Variants in CFHR3 observed in about 807,000 individuals in gnomAD.
The protein encoded by CFHR3 is complement factor H-related protein 3.
A neutral mutation model predicts 36.0 loss-of-function variants in CFHR3; 22 were observed. That is an observed-to-expected ratio of 0.61 (90% CI 0.44 to 0.87). CFHR3 has a LOEUF of 0.87. CFHR3 is among the 40% of genes least tolerant of loss of function. The pLI, the probability that CFHR3 is intolerant of heterozygous loss-of-function variation, is 0.00. For missense variants in CFHR3, 276 were observed against 401.3 expected, an observed-to-expected ratio of 0.69 and a Z score of 2.67; for synonymous variants, 97 against 137.4, an observed-to-expected ratio of 0.71 and a Z score of 2.06.
At chr1:196,779,456 G>T in intron 2 of CFHR3, 100 bp downstream of exon 2, 1 of 1,012,218 alleles carries the variant, frequency 9.9e-7, no homozygotes, top group East Asian at 2.4e-5. Context: ...AACAGAAATA[G>T]GGCCAAGAAA....
rs1340264624 is a variant in CFHR3, at chr1:196,781,977, G to T, written c.430+2004G>T. Among the ~76,000 whole-genome samples, 5 of 137,078 alleles carry T rather than the reference G, an allele frequency of 3.6e-5. 2 individuals carry two copies. Among genetic ancestry groups the T allele is most frequent in the African/African-American group, 1.5e-4 (5 of 32,794 alleles). 89.9% of individuals were successfully genotyped at this position (137,078 alleles called of 152,430 possible). On this transcript the variant is annotated intron_variant, in intron 3 of 5. Transcript: ENST00000367425. ...TTTAATCCATCTTGAATTAATTTTT[G>T]TATAAGGTGTAAGGAAGGGATCCAG...
In CFHR3 at chr1:196,794,787, G is replaced by T. The variant is rs1462924198; in HGVS notation, c.*1274G>T. 3.8e-6 allele frequency: 1 copy of T among 263,592 alleles called. No individual in the cohort carries two copies. The highest frequency in any genetic ancestry group is 1.0e-4 in the East Asian group (1 of 9,656). The allele number at this position is 263,592 out of a possible 1,614,324, so 16.3% of individuals were successfully genotyped here. ...GTTAGCATATGGTTAGTGAGAAGTT[G>T]CAGGGTAAGAAGAAAACAATGTTCC... On this transcript the variant is annotated 3_prime_UTR_variant, in exon 6 of 6. Coordinates refer to ENST00000367425, the MANE Select transcript of CFHR3 (RefSeq NM_021023.6).
Position 196,788,981 on chromosome 1 carries a change from T to C in CFHR3, c.613+583T>C, listed in dbSNP as rs1654317595. 8.3e-6 allele frequency: 11 copies of C among 1,319,126 alleles called. 1 individual carries two copies. The highest frequency in any genetic ancestry group is 3.7e-5 in the African/African-American group (2 of 54,086). 81.7% of individuals were successfully genotyped at this position (1,319,126 alleles called of 1,614,324 possible). The stretch of plus-strand genomic sequence containing the variant: ...GGCTGAATGTTTACAAACCTCATAC[T>C]TGCCAATGGATTCTTTACATGTAAA... On this transcript the variant is annotated intron_variant, in intron 4 of 5. Coordinates refer to ENST00000367425, the MANE Select transcript of CFHR3 (RefSeq NM_021023.6).
At chr1:196,775,707 T>C (rs1653690100) in intron 1 of CFHR3, among the ~76,000 whole-genome samples, 1 of 137,082 alleles carries the variant, frequency 7.3e-6, no homozygotes, top group African/African-American at 3.0e-5. Flanking sequence ...AAGAACTATA[T>C]GGTAACATTA....
rs1486368459 is a variant in CFHR3, at chr1:196,794,112, T to A, written c.*599T>A. Reference sequence around the variant, plus strand: ...AGGTTTTGCTAACCCTTTCAGAGCATTGGGAACACAGCCAGAAGTGCATTA... The same window carrying A: ...AGGTTTTGCTAACCCTTTCAGAGCAATGGGAACACAGCCAGAAGTGCATTA... On this transcript the variant is annotated 3_prime_UTR_variant, in exon 6 of 6. Transcript: ENST00000367425. 7.0e-6 allele frequency: 1 copy of A among 142,476 alleles called. No homozygotes were observed. The highest frequency in any genetic ancestry group is 6.7e-5 in the Admixed American group (1 of 14,940). 8.8% of individuals were successfully genotyped at this position (142,476 alleles called of 1,614,324 possible).
In CFHR3 at chr1:196,795,074, C is replaced by T. The variant is rs391507; in HGVS notation, c.*1561C>T. The stretch of plus-strand genomic sequence containing the variant: ...TGACTAATTCTACTTCATCAACATA[C>T]ATCATAAATAAAATTTCAAAAATAA... On this transcript the variant is annotated 3_prime_UTR_variant, in exon 6 of 6. Transcript: ENST00000367425. 37,246 of 134,892 alleles carry T rather than the reference C, an allele frequency of 0.28. 10,539 individuals are homozygous for T. The highest frequency in any genetic ancestry group is 0.5 in the East Asian group (2,520 of 5,034). The allele number at this position is 134,892 out of a possible 1,614,324, so 8.4% of individuals were successfully genotyped here.
rs775899529 is a variant in CFHR3, at chr1:196,779,233, C to G, written c.130C>G (p.Pro44Ala). ...FHENMRRPYF[P>A]VAVGKYYSYY... ...TGAGAATATGCGTAGACCATACTTT[C>G]CAGTAGCTGTAGGAAAATATTACTC... Residue 44 changes from proline to alanine, a missense_variant, in exon 2 of 6, where the codon CCA becomes GCA. Around this residue, in one of 3 missense-constraint regions of CFHR3, gnomAD observed 178 missense variants for 247.2 expected, o/e 0.72. Transcript: ENST00000367425. The G allele has an allele frequency of 2.6e-6, 4 of 1,528,544 alleles. 1 individual carries two copies. The allele number at this position is 1,528,544 out of a possible 1,614,324, so 94.7% of individuals were successfully genotyped here.
At chr1:196,784,527 T>C (rs1654106376) in intron 3 of CFHR3, among the ~76,000 whole-genome samples, 1 of 136,632 alleles carries the variant, frequency 7.3e-6, no homozygotes, top group Non-Finnish European at 1.5e-5. Flanking sequence ...TTAGCTCTTC[T>C]TGTTGAATTG....
At chr1:196,777,338 CAA>C (rs1457346360) in intron 1 of CFHR3, among the ~76,000 whole-genome samples, 1 of 137,086 alleles carries the variant, frequency 7.3e-6, no homozygotes, top group African/African-American at 3.0e-5. Context: ...GTTGCCATAA[CAA>C]AGTGTCAAGG....
intron 4 of CFHR3, chr1:196,788,859 G>A (rs1462113031): frequency 6.9e-7 from 1 of 1,445,100 alleles, no homozygotes; most frequent in South Asian, 1.4e-5. Flanking sequence ...TTAATAATTT[G>A]TATCAATGAT....
rs1311502605 is a variant in CFHR3 at position 196,784,480 on chromosome 1, G to A, written c.431-3736G>A. ...ACTCCAGACTTGCTTTATGAATCTG[G>A]GTGCTCCTGTATTGGGTGCATATAT... is the stretch of plus-strand genomic sequence containing the variant. On this transcript the variant is annotated intron_variant, in intron 3 of 5. Coordinates refer to ENST00000367425, the MANE Select transcript of CFHR3 (RefSeq NM_021023.6). 7.4e-5 allele frequency among the ~76,000 whole-genome samples: 10 copies of A among 135,332 alleles called. 3 individuals are homozygous for A. In the East Asian group the frequency reaches 9.8e-4, roughly 13 times the overall value. The allele number at this position is 135,332 out of a possible 152,430, so 88.8% of individuals were successfully genotyped here.
intron 3 of CFHR3, among the ~76,000 whole-genome samples, chr1:196,781,552 G>A (rs1653948508): frequency 1.5e-5 from 2 of 136,506 alleles, no homozygotes; most frequent in African/African-American, 3.1e-5. Flanking sequence ...CTGATGGCCA[G>A]TGATGGTGAG....
In CFHR3 at chr1:196,786,786, G is replaced by T. The variant is rs1027026192; in HGVS notation, c.431-1430G>T. Among the ~76,000 whole-genome samples, 33 of 137,184 alleles carry T rather than the reference G, an allele frequency of 2.4e-4. 9 individuals carry two copies. The highest frequency in any genetic ancestry group is 1.0e-3 in the African/African-American group (33 of 32,908). 90.0% of individuals were successfully genotyped at this position (137,184 alleles called of 152,430 possible). On this transcript the variant is annotated intron_variant, in intron 3 of 5. Coordinates refer to ENST00000367425, the MANE Select transcript of CFHR3 (RefSeq NM_021023.6). ...TGAGGCAATGCCTTCCCCTGCTTTG[G>T]CTCACGCACGGTGCGCTGCACCCAT...
Position 196,783,563 on chromosome 1 carries a change from TC to T in CFHR3, c.430+3591del, listed in dbSNP as rs1355887524. ...GTATGTGTCAAGGAATTTATCCATTTCTTCTAGATTTTCTAGTTTATTTGCG... is the reference window on the plus strand; with the variant it reads ...GTATGTGTCAAGGAATTTATCCATTTTTCTAGATTTTCTAGTTTATTTGCG... On this transcript the variant is annotated intron_variant, in intron 3 of 5. Transcript: ENST00000367425. 2.4e-3 allele frequency among the ~76,000 whole-genome samples: 313 copies of T among 131,838 alleles called. 85 individuals carry two copies. Among genetic ancestry groups the T allele is most frequent in the African/African-American group, 0.01 (308 of 29,882 alleles). The allele number at this position is 131,838 out of a possible 152,430, so 86.5% of individuals were successfully genotyped here. A position where few individuals can be genotyped will look rare whatever the true frequency, so the allele number is the denominator to read the frequency against.
In CFHR3 at chr1:196,786,617, G is replaced by A. The variant is rs564767189; in HGVS notation, c.431-1599G>A. On this transcript the variant is annotated intron_variant, in intron 3 of 5. Transcript: ENST00000367425. Reference sequence around the variant, plus strand: ...ATAGGACCCTCTGAGCCAGGTGAGCGATATAATCTCCTGGTGTGCCGTTTT... The same window carrying A: ...ATAGGACCCTCTGAGCCAGGTGAGCAATATAATCTCCTGGTGTGCCGTTTT... Among the ~76,000 whole-genome samples the A allele has an allele frequency of 3.4e-3, 461 of 136,810 alleles. 121 individuals carry two copies. The highest frequency in any genetic ancestry group is 0.014 in the African/African-American group (445 of 32,744). 89.8% of individuals were successfully genotyped at this position (136,810 alleles called of 152,430 possible).
rs774048937 is a variant in CFHR3 at position 196,788,422 on chromosome 1, T to G, written c.613+24T>G. The G allele has an allele frequency of 3.9e-6, 6 of 1,521,180 alleles. 2 individuals carry two copies. The highest frequency in any genetic ancestry group is 5.3e-6 in the Non-Finnish European group (6 of 1,128,854). The allele number at this position is 1,521,180 out of a possible 1,614,324, so 94.2% of individuals were successfully genotyped here. A position where few individuals can be genotyped will look rare whatever the true frequency, so the allele number is the denominator to read the frequency against. On this transcript the variant is annotated intron_variant, in intron 4 of 5. Coordinates refer to ENST00000367425, the MANE Select transcript of CFHR3 (RefSeq NM_021023.6). ...TAGTAAGTGATTTACATATTCCCAT[T>G]CAGTTTCTGTCAACTTCGTTCCTCT...
chr1:196,788,744 G>A (rs387111), intron 4 of CFHR3: 336,901 of 1,448,782 alleles, frequency 0.23, 84,078 homozygotes, highest in East Asian at 0.5. Context: ...AAAATTATCA[G>A]CTGCTTGTAT....
At chr1:196,776,165 A>G (rs527625728) in intron 1 of CFHR3, among the ~76,000 whole-genome samples, 5 of 124,704 alleles carry the variant, frequency 4.0e-5, no homozygotes, top group Admixed American at 2.4e-4. Flanking sequence ...CATATGCACT[A>G]TATTTTCTTA....
chr1:196,788,314 C>A lies in CFHR3; in HGVS notation c.529C>A (p.Pro177Thr). 3 of 1,523,672 alleles carry A rather than the reference C, an allele frequency of 2.0e-6. 1 individual carries two copies. The highest frequency in any genetic ancestry group is 8.9e-7 in the Non-Finnish European group (1 of 1,129,578). The allele number at this position is 1,523,672 out of a possible 1,614,324, so 94.4% of individuals were successfully genotyped here. The change falls in exon 4 of 6, where the codon CCA (proline) becomes ACA (threonine). Residue 177 changes from proline (P) to threonine (T), a missense_variant. Transcript: ENST00000367425. ...TAAAGAAATACAATATAAATGTAAA[C>A]CAGGATATGCAACAGCAGATGGAAA... ...LNKEIQYKCK[P>T]GYATADGNSS...
Sources: gnomAD v4.1 joint callset for allele counts (sites outside exome capture counted in the v4.1 genomes callset) on GRCh38, gnomAD v4.1.1 for gene constraint, gnomAD v4.1.1 regional missense constraint, MANE v1.5 for transcripts, NCBI Gene and HGNC (gene_info 2026-07-23, HGNC 2026-07-21) for gene names.